FBRSL1: variants seen among roughly 807,000 people sequenced by gnomAD.
FBRSL1 encodes fibrosin like 1, also known as fibrosin-1-like protein.
FBRSL1 carries 51 observed loss-of-function variants against 89.6 expected under a neutral mutation model. That is an observed-to-expected ratio of 0.57 (90% CI 0.45 to 0.72). The LOEUF is 0.72. FBRSL1 is among the 30% of genes least tolerant of loss of function. FBRSL1 has a pLI of 0.00. For missense variants in FBRSL1, 1,618 were observed against 1,451.8 expected, an observed-to-expected ratio of 1.11 and a Z score of -1.86; for synonymous variants, 779 against 681.1, an observed-to-expected ratio of 1.14 and a Z score of -2.24.
In FBRSL1 at chr12:132,583,536, C is replaced by T; in HGVS notation, c.2767C>T (p.Pro923Ser). ...AAPALDGALL[P>S]SLGALHFPRL... ...CCCCGCCTTGGACGGCGCGCTGCTGCCCTCGCTGGGAGCCCTGCACTTCCC... is the reference window on the plus strand; with the variant it reads ...CCCCGCCTTGGACGGCGCGCTGCTGTCCTCGCTGGGAGCCCTGCACTTCCC... The change falls in exon 19 of 19, where the codon CCC becomes TCC. Residue 923 changes from proline (P) to serine (S), a missense_variant. Coordinates refer to ENST00000680143, the MANE Select transcript of FBRSL1 (RefSeq NM_001367871.1). 9.6e-7 allele frequency: 1 copy of T among 1,047,088 alleles called. No homozygotes were observed. Among genetic ancestry groups the T allele is most frequent in the Non-Finnish European group, 1.2e-6 (1 of 868,594 alleles). 64.9% of individuals were successfully genotyped at this position (1,047,088 alleles called of 1,614,324 possible).
intron 5 of FBRSL1, among the ~76,000 whole-genome samples, chr12:132,564,247 G>A (rs977016857): frequency 3.3e-5 from 5 of 152,268 alleles, no homozygotes; most frequent in East Asian, 1.9e-4. Context: ...ACCCTGAGCC[G>A]CCTCCCTTCT....
chr12:132,520,533 C>A (rs1381472536), intron 2 of FBRSL1, among the ~76,000 whole-genome samples: 2 of 152,224 alleles, frequency 1.3e-5, no homozygotes, highest in Non-Finnish European at 2.9e-5. Flanking sequence ...GTCCACAAAA[C>A]AGAGCAGGAT....
At chr12:132,518,664 A>ATCCATCCACCCATCTCTCCT (rs2035071110) in intron 2 of FBRSL1, among the ~76,000 whole-genome samples, 1 of 148,646 alleles carries the variant, frequency 6.7e-6, no homozygotes, top group Non-Finnish European at 1.5e-5. Context: ...CCGTGCATCC[A>ATCCATCCACCCATCTCTCCT]TCCATCCACC....
intron 15 of FBRSL1, among the ~76,000 whole-genome samples, chr12:132,577,629 A>G (rs2040462764): frequency 6.7e-6 from 1 of 149,194 alleles, no homozygotes. Context: ...CCCCCGAGTC[A>G]CCCCCTCCCC....
chr12:132,527,340 A>T (rs1187398207), intron 3 of FBRSL1, among the ~76,000 whole-genome samples: 1 of 152,166 alleles, frequency 6.6e-6, no homozygotes, highest in Non-Finnish European at 1.5e-5. Flanking sequence ...TCTTGGGGAC[A>T]GGGAGCTAGC....
At chr12:132,519,816 G>C (rs903995207) in intron 2 of FBRSL1, among the ~76,000 whole-genome samples, 23 of 149,862 alleles carry the variant, frequency 1.5e-4, no homozygotes, top group African/African-American at 5.7e-4. Context: ...GGCTGAGGCA[G>C]AGAATCGCTT....
intron 2 of FBRSL1, among the ~76,000 whole-genome samples, chr12:132,508,676 C>T (rs1485160018): frequency 1.3e-5 from 2 of 152,248 alleles, no homozygotes; most frequent in African/African-American, 2.4e-5. Flanking sequence ...CAGGCTCCGC[C>T]GACTACAGGT....
chr12:132,548,044 G>C lies in FBRSL1; in HGVS notation c.645+12G>C, dbSNP rs956027994. On this transcript the variant is annotated intron_variant, in intron 5 of 18. Coordinates refer to ENST00000680143, the MANE Select transcript of FBRSL1 (RefSeq NM_001367871.1). ...GCCCGGACGACAAGGTAAGCCCAGC[G>C]TCCTCCTCCTGGGCTCGGCTGACAG... is the stretch of plus-strand genomic sequence containing the variant. The C allele has an allele frequency of 6.5e-7, 1 of 1,549,938 alleles. No individual in the cohort carries two copies. Among genetic ancestry groups the C allele is most frequent in the Non-Finnish European group, 8.7e-7 (1 of 1,146,622 alleles).
intron 1 of FBRSL1, among the ~76,000 whole-genome samples, chr12:132,500,630 G>T (rs1367003003): frequency 6.6e-6 from 1 of 152,112 alleles, no homozygotes; most frequent in Non-Finnish European, 1.5e-5. Flanking sequence ...CTGCTGTCCT[G>T]CCTGGGAGCC....
At position 132,546,265 on chromosome 12, in the gene FBRSL1, G is replaced by A. The variant is rs1025299951; in HGVS notation, c.616-1738G>A. 1.3e-5 allele frequency among the ~76,000 whole-genome samples: 2 copies of A among 152,256 alleles called. No homozygotes were observed. The highest frequency in any genetic ancestry group is 4.8e-5 in the African/African-American group (2 of 41,476). On this transcript the variant is annotated intron_variant, in intron 4 of 18. Transcript: ENST00000680143. The surrounding 1 kb of genome is among the most constrained non-coding windows in gnomAD (Gnocchi z 4.0). ...AGCAGGGGAGATGGAGGACTCAGAG[G>A]CCCAGGGCCACCAGCAAAGCTGGTC...
chr12:132,561,659 G>A (rs1384112230), intron 5 of FBRSL1, among the ~76,000 whole-genome samples: 2 of 152,174 alleles, frequency 1.3e-5, no homozygotes, highest in Non-Finnish European at 2.9e-5. Flanking sequence ...AACCACAGAG[G>A]GGGCAGTTAA....
chr12:132,510,241 T>A (rs1364483276), intron 2 of FBRSL1: 1 of 1,231,728 alleles, frequency 8.1e-7, no homozygotes, highest in Non-Finnish European at 1.0e-6. Flanking sequence ...CCTTCACTCC[T>A]GGGGCAGCCG....
rs1211473504 is a variant in FBRSL1, at chr12:132,583,755, C to A, written c.2986C>A (p.Pro996Thr). Residue 996 changes from proline (P) to threonine (T), a missense_variant, in exon 19 of 19, where the codon CCC (proline) becomes ACC (threonine). By Grantham distance (38) the Pro-to-Thr change is conservative (BLOSUM62 -1). Coordinates refer to ENST00000680143, the MANE Select transcript of FBRSL1 (RefSeq NM_001367871.1). ...GCGCGACTACTCCCCGTCCCGAAATCCCCCGGAGGTGGAGGCGCGGTAGCC... is the reference window on the plus strand; with the variant it reads ...GCGCGACTACTCCCCGTCCCGAAATACCCCGGAGGTGGAGGCGCGGTAGCC... ...EARDYSPSRN[P>T]PEVEAR 4.1e-6 allele frequency: 5 copies of A among 1,216,940 alleles called. No homozygotes were observed. Among genetic ancestry groups the A allele is most frequent in the Non-Finnish European group, 5.1e-6 (5 of 978,324 alleles). The allele number at this position is 1,216,940 out of a possible 1,614,324, so 75.4% of individuals were successfully genotyped here. A position where few individuals can be genotyped will look rare whatever the true frequency, so the allele number is the denominator to read the frequency against.
rs534774874 is a variant in FBRSL1, at chr12:132,581,473, C to A, written c.1869C>A (p.Pro623=). 29 of 1,551,012 alleles carry A rather than the reference C, an allele frequency of 1.9e-5. No individual in the cohort carries two copies. The highest frequency in any genetic ancestry group is 2.5e-5 in the Non-Finnish European group (29 of 1,146,950). ...AAHPASNPFG[P]SAHPGSFLPT... is the part of the protein sequence containing the mutation. ...ATCCTGCCTCCAACCCATTTGGACC[C>A]TCAGCCCATCCTGGCAGCTTCCTGC... The change falls in exon 16 of 19, where the codon CCC becomes CCA. Residue 623 remains proline (P), a synonymous_variant. Coordinates refer to ENST00000680143, the MANE Select transcript of FBRSL1 (RefSeq NM_001367871.1).
chr12:132,525,912 G>A (rs1231113723), intron 3 of FBRSL1, 89 bp downstream of exon 3: 2 of 1,113,666 alleles, frequency 1.8e-6, no homozygotes, highest in Admixed American at 2.1e-5. Context: ...TCCGAGTCTG[G>A]GCCGCCTGCC....
At chr12:132,502,979 A>G (rs2033204521) in intron 1 of FBRSL1, among the ~76,000 whole-genome samples, 1 of 151,148 alleles carries the variant, frequency 6.6e-6, no homozygotes, top group South Asian at 2.1e-4. Context: ...ACCGTCACCA[A>G]TGGTCTGGGT....
intron 2 of FBRSL1, among the ~76,000 whole-genome samples, chr12:132,522,051 C>T (rs751554324): frequency 4.6e-5 from 7 of 151,476 alleles, no homozygotes; most frequent in Non-Finnish European, 8.8e-5. Context: ...CTCAGCCTGC[C>T]GGCGCCTGTG....
intron 4 of FBRSL1, among the ~76,000 whole-genome samples, 165 bp from the exon 5 acceptor site, chr12:132,547,838 G>C (rs944599189): frequency 6.6e-6 from 1 of 152,120 alleles, no homozygotes; most frequent in African/African-American, 2.4e-5. Context: ...CCTGGCCCAG[G>C]TTCCTCCTAA....
At chr12:132,511,082 C>G (rs1024357773) in intron 2 of FBRSL1, 2 of 985,584 alleles carry the variant, frequency 2.0e-6, no homozygotes, top group African/African-American at 3.5e-5. Context: ...AGGCCCTCCC[C>G]CTGGTAGTCA....
Sources: allele counts gnomAD v4.1 joint callset (sites outside exome capture counted in the v4.1 genomes callset), GRCh38; gene constraint gnomAD v4.1.1; non-coding constraint Gnocchi (gnomAD v3.1); transcripts MANE v1.5; gene names NCBI Gene and HGNC (gene_info 2026-07-23, HGNC 2026-07-21).